Variants in WDR93 observed in about 807,000 individuals in gnomAD.
The protein encoded by WDR93 is WD repeat-containing protein 93.
WDR93 carries 73 observed loss-of-function variants against 82.9 expected under a neutral mutation model. The ratio of observed to expected loss-of-function variants is 0.88; its 90% CI spans 0.73 to 1.07. The LOEUF (loss-of-function observed/expected upper bound fraction) is 1.07. WDR93 is among the 50% of genes least tolerant of loss of function. WDR93 has a pLI of 0.00. For synonymous variants in WDR93, 283 were observed against 300.1 expected (o/e 0.94, Z 0.59); for missense variants, 738 against 826.0 (o/e 0.89, Z 1.31).
At chr15:89,715,146 C>T in intron 6 of WDR93, 51 bp downstream of exon 6, 1 of 1,525,132 alleles carries the variant, frequency 6.6e-7, no homozygotes, top group Non-Finnish European at 9.0e-7. Context: ...ACCCCTGACC[C>T]ACATCTAGCC....
At position 89,714,967 on chromosome 15, in the gene WDR93, T is replaced by C. The variant is rs752447164; in HGVS notation, c.641-13T>C. The C allele has an allele frequency of 1.9e-6, 3 of 1,608,786 alleles. No homozygotes were observed. Among genetic ancestry groups the C allele is most frequent in the Non-Finnish European group, 2.6e-6 (3 of 1,176,316 alleles). On this transcript the variant is annotated splice_polypyrimidine_tract_variant and intron_variant, in intron 5 of 16. Transcript: ENST00000268130. ...TTACAGTTGCTCAATGGTTCTCTGGTTTCCCAATGCAGGAGCCGGAGATAT... is the reference window on the plus strand; with the variant it reads ...TTACAGTTGCTCAATGGTTCTCTGGCTTCCCAATGCAGGAGCCGGAGATAT...
chr15:89,690,712 T>C (rs924392315), upstream of WDR93: 1 of 1,054,668 alleles, frequency 9.5e-7, no homozygotes, highest in Admixed American at 2.0e-5. Flanking sequence ...CAGGGAACGG[T>C]CAGTCCCAGG....
At chr15:89,719,045 A>T (rs1291636224) in intron 7 of WDR93, among the ~76,000 whole-genome samples, 1 of 152,114 alleles carries the variant, frequency 6.6e-6, no homozygotes, top group Non-Finnish European at 1.5e-5. Flanking sequence ...TTTCTTATAA[A>T]CTTGCATTTT....
rs1216239222 is a variant in WDR93, at chr15:89,737,557, T to C, written c.1609-16T>C. ...AGTCCAGTAGAAGCCCCCCTCACCATCTCTTTGCTTCCCAGGTGCTCATCT... is the reference window on the plus strand; with the variant it reads ...AGTCCAGTAGAAGCCCCCCTCACCACCTCTTTGCTTCCCAGGTGCTCATCT... On this transcript the variant is annotated splice_polypyrimidine_tract_variant and intron_variant, in intron 14 of 16. Coordinates refer to ENST00000268130, the MANE Select transcript of WDR93 (RefSeq NM_020212.2). The C allele has an allele frequency of 6.8e-6, 11 of 1,613,976 alleles. No homozygotes were observed. Among genetic ancestry groups the C allele is most frequent in the South Asian group, 2.2e-5 (2 of 91,074 alleles).
intron 8 of WDR93, among the ~76,000 whole-genome samples, chr15:89,726,128 C>A (rs551146728): frequency 6.6e-6 from 1 of 152,280 alleles, no homozygotes; most frequent in South Asian, 2.1e-4. Flanking sequence ...GCATCAGACT[C>A]ATTTGGAGAA....
intron 7 of WDR93, among the ~76,000 whole-genome samples, chr15:89,717,217 G>A (rs751645145): frequency 2.0e-5 from 3 of 151,246 alleles, no homozygotes; most frequent in Non-Finnish European, 4.4e-5. Flanking sequence ...GCACTACCAC[G>A]CCCGGCTAAT....
At chr15:89,692,713 G>A (rs1231960718) in intron 1 of WDR93, among the ~76,000 whole-genome samples, 2 of 152,132 alleles carry the variant, frequency 1.3e-5, no homozygotes, top group East Asian at 1.9e-4. Flanking sequence ...GGGTTCAAGC[G>A]ATTCTCCTGC....
intron 5 of WDR93, 42 bp downstream of exon 5, chr15:89,712,146 T>C (rs1966007257): frequency 1.4e-6 from 2 of 1,437,288 alleles, no homozygotes; most frequent in Non-Finnish European, 1.9e-6. Context: ...ATTTTCAGTC[T>C]CTTCCAATCT....
rs3926649 is a variant in WDR93 at position 89,706,289 on chromosome 15, C to T, written c.561+671C>T. 2.1e-3 allele frequency among the ~76,000 whole-genome samples: 322 copies of T among 151,704 alleles called. 1 individual carries two copies. The highest frequency in any genetic ancestry group is 3.4e-3 in the Non-Finnish European group (228 of 67,922). On this transcript the variant is annotated intron_variant, in intron 4 of 16. Transcript: ENST00000268130. Reference sequence around the variant, plus strand: ...AGTATTTTTCAAATCAATGAATTCCCGAAAGAGAGGGTATTACTCAGAGTA... The same window carrying T: ...AGTATTTTTCAAATCAATGAATTCCTGAAAGAGAGGGTATTACTCAGAGTA...
chr15:89,727,628 G>A (rs1265031947), intron 9 of WDR93, among the ~76,000 whole-genome samples: 1 of 152,188 alleles, frequency 6.6e-6, no homozygotes, highest in Non-Finnish European at 1.5e-5. Context: ...TTGAAATGTT[G>A]TGTGGAGATT....
chr15:89,738,730 T>A (rs1255852607), intron 16 of WDR93, among the ~76,000 whole-genome samples: 3 of 149,978 alleles, frequency 2.0e-5, no homozygotes, highest in African/African-American at 7.4e-5. Context: ...AGAAAAAGAG[T>A]CATTAATTCA....
intron 8 of WDR93, among the ~76,000 whole-genome samples, chr15:89,724,372 A>G (rs1306488436): frequency 6.6e-6 from 1 of 152,152 alleles, no homozygotes; most frequent in Non-Finnish European, 1.5e-5. Context: ...AAATAATATA[A>G]ACAATAACTT....
Position 89,731,473 on chromosome 15 carries a change from C to T in WDR93, c.1241C>T (p.Pro414Leu). The change falls in exon 12 of 17, where the codon CCC becomes CTC. Residue 414 changes from proline (P) to leucine (L), a missense_variant. Transcript: ENST00000268130. ...GAGGGTGTGTGGCCCTGTGCTGCGC[C>T]CATTGCAGTCTCTCAGCTCAGCTGC... ...DPEGVWPCAAPIAVSQLSCSS... is the reference protein window; with the variant it reads ...DPEGVWPCAALIAVSQLSCSS... 1 of 1,614,182 alleles carries T rather than the reference C, an allele frequency of 6.2e-7. No homozygotes were observed. The highest frequency in any genetic ancestry group is 8.5e-7 in the Non-Finnish European group (1 of 1,180,030).
intron 1 of WDR93, among the ~76,000 whole-genome samples, chr15:89,694,104 G>GT (rs1965034018): frequency 6.6e-6 from 1 of 152,086 alleles, no homozygotes; most frequent in Admixed American, 6.6e-5. Context: ...ACGTGTAGTG[G>GT]TATCTCATGA....
intron 14 of WDR93, among the ~76,000 whole-genome samples, 175 bp downstream of exon 14, chr15:89,735,728 C>A (rs1967115073): frequency 6.6e-6 from 1 of 152,240 alleles, no homozygotes; most frequent in Non-Finnish European, 1.5e-5. Flanking sequence ...GAGCACACAG[C>A]TCATTTGGGA....
At chr15:89,725,150 A>T (rs1238225305) in intron 8 of WDR93, among the ~76,000 whole-genome samples, 1 of 152,224 alleles carries the variant, frequency 6.6e-6, no homozygotes, top group Non-Finnish European at 1.5e-5. Context: ...GGTGATAGTG[A>T]CATGATTTTT....
Position 89,737,560 on chromosome 15 carries a change from C to A in WDR93, c.1609-13C>A. 6.2e-7 allele frequency: 1 copy of A among 1,614,194 alleles called. No homozygotes were observed. Reference sequence around the variant, plus strand: ...CCAGTAGAAGCCCCCCTCACCATCTCTTTGCTTCCCAGGTGCTCATCTTTT... The same window carrying A: ...CCAGTAGAAGCCCCCCTCACCATCTATTTGCTTCCCAGGTGCTCATCTTTT... On this transcript the variant is annotated splice_polypyrimidine_tract_variant and intron_variant, in intron 14 of 16. Coordinates refer to ENST00000268130, the MANE Select transcript of WDR93 (RefSeq NM_020212.2).
chr15:89,716,321 A>T lies in WDR93; in HGVS notation c.757-590A>T, dbSNP rs78041987. Among the ~76,000 whole-genome samples the T allele has an allele frequency of 8.4e-3, 1,285 of 152,318 alleles. 28 individuals are homozygous for T. The highest frequency in any genetic ancestry group is 0.03 in the African/African-American group (1,227 of 41,552). On this transcript the variant is annotated intron_variant, in intron 6 of 16. Transcript: ENST00000268130. Reference sequence around the variant, plus strand: ...ATCCTCTTGTCTTCAATGGATAATAAATTTCTAGATTGTTAAGATCATACC... The same window carrying T: ...ATCCTCTTGTCTTCAATGGATAATATATTTCTAGATTGTTAAGATCATACC...
rs1342386024 is a variant in WDR93, at chr15:89,737,696, G to A, written c.1732G>A (p.Val578Met). The change falls in exon 15 of 17, where the codon GTG (valine) becomes ATG (methionine). Residue 578 changes from valine to methionine, a missense_variant. Coordinates refer to ENST00000268130, the MANE Select transcript of WDR93 (RefSeq NM_020212.2). ...GGTCCCCTGGAAGCCAGTGTTTGCT[G>A]TGTCTCCAGACCATCCATGTTTCCT... ...LEVPWKPVFA[V>M]SPDHPCFLLR... 1.2e-6 allele frequency: 2 copies of A among 1,614,050 alleles called. No individual in the cohort carries two copies. The highest frequency in any genetic ancestry group is 1.3e-5 in the African/African-American group (1 of 74,912).
Sources: allele counts gnomAD v4.1 joint callset (sites outside exome capture counted in the v4.1 genomes callset), GRCh38; gene constraint gnomAD v4.1.1; transcripts MANE v1.5; gene names NCBI Gene and HGNC (gene_info 2026-07-23, HGNC 2026-07-21).